Variants in CNTN5 observed in about 807,000 individuals in gnomAD.
The protein encoded by CNTN5 is contactin 5.
Under a neutral mutation model 129.1 loss-of-function variants are expected in CNTN5, and 77 were observed. The ratio of observed to expected loss-of-function variants is 0.60; its 90% CI spans 0.50 to 0.72. The LOEUF (loss-of-function observed/expected upper bound fraction) is 0.72. CNTN5 is among the 30% of genes least tolerant of loss of function. The probability of loss-of-function intolerance (pLI) is 0.00; values close to 1 mark genes in which losing one functional copy is unlikely to be tolerated. For missense variants in CNTN5, 1,478 were observed against 1,328.8 expected (o/e 1.11, Z -1.75); for synonymous variants, 509 against 465.6 (o/e 1.09, Z -1.20).
chr11:100,251,360 G>A (rs1949959198), intron 16 of CNTN5, among the ~76,000 whole-genome samples: 1 of 152,074 alleles, frequency 6.6e-6, no homozygotes, highest in East Asian at 1.9e-4. Context: ...TACATATACT[G>A]TACAGTGATC....
At chr11:100,011,335 A>G (rs1404950676) in intron 9 of CNTN5, among the ~76,000 whole-genome samples, 1 of 152,154 alleles carries the variant, frequency 6.6e-6, no homozygotes, top group Non-Finnish European at 1.5e-5. Flanking sequence ...CACAAGGGCA[A>G]ACAGGGTTAC....
At chr11:99,613,793 TAA>T (rs1223155792) in intron 3 of CNTN5, among the ~76,000 whole-genome samples, 1 of 152,314 alleles carries the variant, frequency 6.6e-6, no homozygotes, top group Non-Finnish European at 1.5e-5. Flanking sequence ...ATCCACTAAA[TAA>T]AGTTTGTCAG....
intron 4 of CNTN5, among the ~76,000 whole-genome samples, chr11:99,840,520 G>GA (rs60299337): frequency 0.017 from 2,447 of 145,990 alleles, 72 homozygotes; most frequent in African/African-American, 0.057. Flanking sequence ...TCTTTTCTAA[G>GA]AAAAAAAAAA....
At chr11:99,492,627 T>C (rs547204542) in intron 2 of CNTN5, among the ~76,000 whole-genome samples, 3 of 152,252 alleles carry the variant, frequency 2.0e-5, no homozygotes, top group South Asian at 2.1e-4. Flanking sequence ...ATCTTTTCCT[T>C]ACCCATTGCA....
chr11:99,409,004 G>A (rs766743712), intron 2 of CNTN5, among the ~76,000 whole-genome samples: 1 of 152,120 alleles, frequency 6.6e-6, no homozygotes, highest in African/African-American at 2.4e-5. Context: ...CAGTCAGCCT[G>A]TTTTGTGATT....
intron 7 of CNTN5, among the ~76,000 whole-genome samples, chr11:99,924,070 G>A (rs1013731805): frequency 2.6e-5 from 4 of 152,160 alleles, no homozygotes; most frequent in African/African-American, 7.2e-5. Context: ...GATTACAGAC[G>A]TGAGCCGCCA....
chr11:99,645,100 CTT>C, intron 3 of CNTN5, among the ~76,000 whole-genome samples: 1 of 49,280 alleles, frequency 2.0e-5, no homozygotes, highest in African/African-American at 5.3e-5. Context: ...TCCGTCTCTA[CTT>C]TAAAAAAAAA....
At chr11:100,214,278 T>G (rs1949095436) in intron 15 of CNTN5, among the ~76,000 whole-genome samples, 1 of 152,202 alleles carries the variant, frequency 6.6e-6, no homozygotes, top group Non-Finnish European at 1.5e-5. Context: ...GAAAACTGTG[T>G]ATTTCCATAG....
intron 9 of CNTN5, among the ~76,000 whole-genome samples, chr11:100,026,253 G>A: frequency 6.6e-6 from 1 of 151,728 alleles, no homozygotes; most frequent in East Asian, 1.9e-4. Flanking sequence ...CTGACGCCTG[G>A]TGAAGAAGAT....
At chr11:99,461,339 G>A (rs1414937347) in intron 2 of CNTN5, among the ~76,000 whole-genome samples, 23 of 151,998 alleles carry the variant, frequency 1.5e-4, no homozygotes, top group Admixed American at 1.5e-3. Flanking sequence ...CCGTAGGTTT[G>A]TCGTTTCTGG....
intron 4 of CNTN5, among the ~76,000 whole-genome samples, chr11:99,842,158 G>A (rs756656749): frequency 2.6e-5 from 4 of 152,038 alleles, no homozygotes; most frequent in Non-Finnish European, 5.9e-5. Context: ...GCCTCCCAAA[G>A]TGGTGAAAGT....
intron 3 of CNTN5, among the ~76,000 whole-genome samples, chr11:99,765,198 GTTGT>G (rs1029265253): frequency 3.3e-5 from 5 of 151,970 alleles, no homozygotes; most frequent in South Asian, 4.1e-4. Flanking sequence ...CTAAGAAACA[GTTGT>G]TTAAGTGGGA....
In CNTN5 at chr11:100,136,692, T is replaced by C. The variant is rs189354977; in HGVS notation, c.1581-54434T>C. Among the ~76,000 whole-genome samples the C allele has an allele frequency of 2.2e-4, 34 of 152,064 alleles. No homozygotes were observed. In the East Asian group the frequency reaches 2.9e-3, roughly 13 times the overall value. On this transcript the variant is annotated intron_variant, in intron 13 of 24. Coordinates refer to ENST00000524871, the MANE Select transcript of CNTN5 (RefSeq NM_014361.4). Reference sequence around the variant, plus strand: ...AAACAAAGGTAAAAGGATCATCATTTGCTTAAACAAACTATGTGTATGCCC... The same window carrying C: ...AAACAAAGGTAAAAGGATCATCATTCGCTTAAACAAACTATGTGTATGCCC...
intron 13 of CNTN5, among the ~76,000 whole-genome samples, chr11:100,124,551 C>A (rs1423738270): frequency 6.6e-6 from 1 of 151,964 alleles, no homozygotes; most frequent in Non-Finnish European, 1.5e-5. Flanking sequence ...AGACCCAGTT[C>A]AGACAGATTT....
chr11:99,945,778 T>A (rs907694495), intron 7 of CNTN5, among the ~76,000 whole-genome samples: 1 of 152,024 alleles, frequency 6.6e-6, no homozygotes, highest in African/African-American at 2.4e-5. Flanking sequence ...CCACATTACC[T>A]TACACGCTCA....
At chr11:99,568,438 A>G (rs1949075023) in intron 3 of CNTN5, among the ~76,000 whole-genome samples, 1 of 152,336 alleles carries the variant, frequency 6.6e-6, no homozygotes, top group East Asian at 1.9e-4. Context: ...ATGCTTGCTT[A>G]TGGTAAGAAT....
intron 3 of CNTN5, among the ~76,000 whole-genome samples, chr11:99,600,268 C>T (rs1950273428): frequency 6.6e-6 from 1 of 152,048 alleles, no homozygotes; most frequent in African/African-American, 2.4e-5. Context: ...TATATTTTCT[C>T]TAATTTTAAA....
At chr11:99,403,927 G>A (rs1941949704) in intron 2 of CNTN5, among the ~76,000 whole-genome samples, 1 of 152,092 alleles carries the variant, frequency 6.6e-6, no homozygotes, top group Non-Finnish European at 1.5e-5. Flanking sequence ...CTGTCTAGAA[G>A]ATTTGTCCAA....
chr11:99,953,317 T>A (rs1425257014), intron 7 of CNTN5, among the ~76,000 whole-genome samples: 2 of 152,200 alleles, frequency 1.3e-5, no homozygotes, highest in Non-Finnish European at 2.9e-5. Context: ...TGACACTGAA[T>A]CAGTTGCAGC....
Sources: gnomAD v4.1 joint callset for allele counts (sites outside exome capture counted in the v4.1 genomes callset) on GRCh38, gnomAD v4.1.1 for gene constraint, MANE v1.5 for transcripts, NCBI Gene and HGNC (gene_info 2026-07-23, HGNC 2026-07-21) for gene names.